Variants in MARVELD2 observed in about 807,000 individuals in gnomAD.
The protein encoded by MARVELD2 is MARVEL domain-containing protein 2.
A neutral mutation model predicts 57.6 loss-of-function variants in MARVELD2; 49 were observed. The ratio of observed to expected loss-of-function variants is 0.85; its 90% CI spans 0.68 to 1.08. The LOEUF (loss-of-function observed/expected upper bound fraction) is 1.08. MARVELD2 is among the 50% of genes least tolerant of loss of function. The pLI is 0.00. For synonymous variants in MARVELD2, 238 were observed against 258.8 expected (o/e 0.92, Z 0.77); for missense variants, 606 against 701.1 (o/e 0.86, Z 1.53).
chr5:69,435,223 A>G (rs986960921), intron 5 of MARVELD2, among the ~76,000 whole-genome samples: 10 of 150,196 alleles, frequency 6.7e-5, no homozygotes, highest in African/African-American at 2.5e-4. Context: ...CATTTAGGCC[A>G]GGCTGGTCTC....
chr5:69,415,778 CT>C, intron 1 of MARVELD2: 1 of 152,406 alleles, frequency 6.6e-6, no homozygotes, highest in East Asian at 1.9e-4. Context: ...TCCTGTGACA[CT>C]TTGCTGGGGC....
At chr5:69,421,623 T>A (rs956567187) in intron 2 of MARVELD2, among the ~76,000 whole-genome samples, 8 of 152,052 alleles carry the variant, frequency 5.3e-5, no homozygotes, top group African/African-American at 1.9e-4. Flanking sequence ...GTTTTAAAAT[T>A]TTTTTAATTT....
At position 69,418,556 on chromosome 5, in the gene MARVELD2, C is replaced by T. The variant is rs561834545; in HGVS notation, c.-15-815C>T. On this transcript the variant is annotated intron_variant, in intron 1 of 6. Coordinates refer to ENST00000325631, the MANE Select transcript of MARVELD2 (RefSeq NM_001038603.3). Reference sequence around the variant, plus strand: ...TATTGTGCCTTGGGGGAGCCTTAGCCTTTGGTGATGTTGTCTCTGAGATTC... The same window carrying T: ...TATTGTGCCTTGGGGGAGCCTTAGCTTTTGGTGATGTTGTCTCTGAGATTC... 9.8e-4 allele frequency among the ~76,000 whole-genome samples: 149 copies of T among 152,188 alleles called. No homozygotes were observed. The Middle Eastern group carries it at 0.01, about 10-fold the overall frequency.
Position 69,420,080 on chromosome 5 carries a change from G to T in MARVELD2, c.695G>T (p.Gly232Val). Residue 232 changes from glycine (G) to valine (V), a missense_variant, in exon 2 of 7, where the codon GGC becomes GTC. By Grantham distance (109) the Gly-to-Val change is moderately radical. Coordinates refer to ENST00000325631, the MANE Select transcript of MARVELD2 (RefSeq NM_001038603.3). The part of the protein sequence containing the change: ...YNLFGYSQPY[G>V]MGGVGGLGSM... Reference sequence around the variant, plus strand: ...TTGTTTGGATATTCACAACCGTATGGCATGGGAGGCGTTGGTGGATTGGGC... The same window carrying T: ...TTGTTTGGATATTCACAACCGTATGTCATGGGAGGCGTTGGTGGATTGGGC... 1.9e-6 allele frequency: 3 copies of T among 1,614,112 alleles called. No individual in the cohort carries two copies. The highest frequency in any genetic ancestry group is 2.5e-6 in the Non-Finnish European group (3 of 1,180,024).
Position 69,420,298 on chromosome 5 carries a change from A to G in MARVELD2, c.913A>G (p.Met305Val), listed in dbSNP as rs1431781485. 2 of 1,614,036 alleles carry G rather than the reference A, an allele frequency of 1.2e-6. No individual in the cohort carries two copies. The highest frequency in any genetic ancestry group is 4.5e-5 in the East Asian group (2 of 44,884). The change falls in exon 2 of 7, where the codon ATG (methionine) becomes GTG (valine). Residue 305 changes from methionine (M) to valine (V), a missense_variant. Coordinates refer to ENST00000325631, the MANE Select transcript of MARVELD2 (RefSeq NM_001038603.3). The stretch of plus-strand genomic sequence containing the variant: ...TAACGTTGCCTTGTTTATTTTGTAT[A>G]TGGCCGCAGCCATAGTCTATGTGAA... Reference protein sequence around the residue: ...GINVALFILYMAAAIVYVNDT... With the variant: ...GINVALFILYVAAAIVYVNDT...
At position 69,420,226 on chromosome 5, in the gene MARVELD2, A is replaced by G. The variant is rs199945192; in HGVS notation, c.841A>G (p.Thr281Ala). The change falls in exon 2 of 7, where the codon ACC becomes GCC. Residue 281 changes from threonine (T) to alanine (A), a missense_variant. By Grantham distance (58) the Thr-to-Ala change is moderately conservative. Transcript: ENST00000325631. ...TCTTGGCATGTCCATGTATTACCGGACCATTCTTCTGGACTCTAATTGGTG... is the reference window on the plus strand; with the variant it reads ...TCTTGGCATGTCCATGTATTACCGGGCCATTCTTCTGGACTCTAATTGGTG... ...LVLGMSMYYR[T>A]ILLDSNWWPL... The G allele has an allele frequency of 1.2e-6, 2 of 1,614,090 alleles. No homozygotes were observed. Among genetic ancestry groups the G allele is most frequent in the African/African-American group, 2.7e-5 (2 of 75,018 alleles).
chr5:69,425,620 T>C (rs1221078816), intron 3 of MARVELD2, among the ~76,000 whole-genome samples: 2 of 151,800 alleles, frequency 1.3e-5, no homozygotes, highest in East Asian at 3.8e-4. Context: ...GAAACTTTCT[T>C]CACTTGTATT....
In MARVELD2 at chr5:69,419,623, C is replaced by G. The variant is rs770606860; in HGVS notation, c.238C>G (p.Arg80Gly). ...AIAPDLKPVR[R>G]FVPDSWKNFF... is the part of the protein sequence containing the mutation. Reference sequence around the variant, plus strand: ...AGCGCCAGATCTCAAACCAGTAAGGCGCTTTGTCCCTGACTCCTGGAAGAA... The same window carrying G: ...AGCGCCAGATCTCAAACCAGTAAGGGGCTTTGTCCCTGACTCCTGGAAGAA... The change falls in exon 2 of 7, where the codon CGC (arginine) becomes GGC (glycine). Residue 80 changes from arginine to glycine, a missense_variant. Transcript: ENST00000325631. 7.4e-6 allele frequency: 12 copies of G among 1,613,964 alleles called. No homozygotes were observed. The highest frequency in any genetic ancestry group is 1.0e-5 in the Non-Finnish European group (12 of 1,180,010).
chr5:69,425,424 A>G (rs1766759390), intron 3 of MARVELD2, among the ~76,000 whole-genome samples: 1 of 149,508 alleles, frequency 6.7e-6, no homozygotes, highest in African/African-American at 2.4e-5. Context: ...AAAAAAAAAA[A>G]AAGAAATTGT....
Position 69,419,589 on chromosome 5 carries a change from AC to A in MARVELD2, c.206del (p.Pro69GlnfsTer3). 1 of 1,614,102 alleles carries A rather than the reference AC, an allele frequency of 6.2e-7. No homozygotes were observed. ...ACTTCTACTCAAGTGACACAGAAGA[AC>A]CAGCTATAGCGCCAGATCTCAAACC... ...PDFYSSDTEEPAIAPDLKPVR... is the reference protein window; with the variant it reads ...PDFYSSDTEEXAIAPDLKPVR... On this transcript the variant is annotated frameshift_variant, in exon 2 of 7. Coordinates refer to ENST00000325631, the MANE Select transcript of MARVELD2 (RefSeq NM_001038603.3). LOFTEE classifies it high-confidence loss of function.
In MARVELD2 at chr5:69,444,111, A is replaced by G. The variant is rs1429332065; in HGVS notation, c.*2457A>G. 5 of 151,712 alleles carry G rather than the reference A, an allele frequency of 3.3e-5. No homozygotes were observed. The highest frequency in any genetic ancestry group is 1.3e-4 in the Admixed American group (2 of 15,098). The allele number at this position is 151,712 out of a possible 1,614,324, so 9.4% of individuals were successfully genotyped here. On this transcript the variant is annotated 3_prime_UTR_variant, in exon 7 of 7. Coordinates refer to ENST00000325631, the MANE Select transcript of MARVELD2 (RefSeq NM_001038603.3). ...TTTAACTTTGTGAAACTTTTAAAAT[A>G]AAGTTTATAAATGTAGCTAATCTTT...
At position 69,420,253 on chromosome 5, in the gene MARVELD2, C is replaced by A. The variant is rs757498916; in HGVS notation, c.868C>A (p.Pro290Thr). ...RTILLDSNWW[P>T]LTEFGINVAL... ...CATTCTTCTGGACTCTAATTGGTGGCCCCTAACTGAATTTGGAATTAACGT... is the reference window on the plus strand; with the variant it reads ...CATTCTTCTGGACTCTAATTGGTGGACCCTAACTGAATTTGGAATTAACGT... Residue 290 changes from proline to threonine, a missense_variant, in exon 2 of 7, where the codon CCC (proline) becomes ACC (threonine). By Grantham distance (38) the Pro-to-Thr change is conservative (BLOSUM62 -1). Coordinates refer to ENST00000325631, the MANE Select transcript of MARVELD2 (RefSeq NM_001038603.3). The A allele has an allele frequency of 6.2e-7, 1 of 1,614,008 alleles. No homozygotes were observed. The highest frequency in any genetic ancestry group is 8.5e-7 in the Non-Finnish European group (1 of 1,180,028).
At chr5:69,433,462 CTTT>C (rs34011580) in intron 5 of MARVELD2, 284 of 186,878 alleles carry the variant, frequency 1.5e-3, no homozygotes, top group South Asian at 3.3e-3. Flanking sequence ...TAAAATCTGG[CTTT>C]TTTTTTTTTT....
intron 2 of MARVELD2, among the ~76,000 whole-genome samples, chr5:69,422,910 C>T (rs529935249): frequency 6.6e-6 from 1 of 152,248 alleles, no homozygotes; most frequent in Non-Finnish European, 1.5e-5. Flanking sequence ...TGTGAAATAT[C>T]GGGGATGAAT....
chr5:69,438,306 G>C (rs997344577), intron 5 of MARVELD2, among the ~76,000 whole-genome samples: 5 of 152,182 alleles, frequency 3.3e-5, no homozygotes, highest in African/African-American at 1.2e-4. Flanking sequence ...TGCATCTCCA[G>C]CACAGCAGTG....
intron 5 of MARVELD2, among the ~76,000 whole-genome samples, chr5:69,439,039 G>C (rs2150933254): frequency 6.8e-6 from 1 of 146,848 alleles, no homozygotes; most frequent in East Asian, 2.0e-4. Context: ...TTCCAGCTTG[G>C]GCAACAGAGC....
chr5:69,441,143 ATTAC>A (rs2150934996), intron 6 of MARVELD2, among the ~76,000 whole-genome samples: 1 of 152,138 alleles, frequency 6.6e-6, no homozygotes, highest in Admixed American at 6.6e-5. Flanking sequence ...TTCTATACTT[ATTAC>A]TTTTTCTTTT....
intron 6 of MARVELD2, 121 bp from the exon 7 acceptor site, chr5:69,441,411 G>A (rs1767321453): frequency 5.2e-6 from 6 of 1,157,338 alleles, no homozygotes; most frequent in African/African-American, 3.1e-5. Flanking sequence ...GTTACCCTGA[G>A]TTCAGAATCT....
chr5:69,418,190 A>G (rs1766488355), intron 1 of MARVELD2, among the ~76,000 whole-genome samples: 1 of 152,210 alleles, frequency 6.6e-6, no homozygotes, highest in African/African-American at 2.4e-5. Flanking sequence ...ATCAAGTACA[A>G]TACCATGTGC....
Sources: allele counts gnomAD v4.1 joint callset (sites outside exome capture counted in the v4.1 genomes callset), GRCh38; gene constraint gnomAD v4.1.1; transcripts MANE v1.5; gene names NCBI Gene and HGNC (gene_info 2026-07-23, HGNC 2026-07-21).